FNIP2: variants seen among roughly 807,000 people sequenced by gnomAD.
FNIP2 encodes the protein folliculin-interacting protein 2.
FNIP2 carries 32 observed loss-of-function variants against 108.7 expected under a neutral mutation model. The observed-to-expected ratio is 0.29, with a 90% confidence interval of 0.22 to 0.40. The LOEUF is 0.40. FNIP2 is among the 10% of genes least tolerant of loss of function. FNIP2 has a pLI of 1.00. For missense variants in FNIP2, 1,202 were observed against 1,381.6 expected (o/e 0.87, Z 2.06); for synonymous variants, 480 against 496.7 (o/e 0.97, Z 0.45).
At chr4:158,833,887 G>C in intron 6 of FNIP2, 1 of 1,418,652 alleles carries the variant, frequency 7.0e-7, no homozygotes. Context: ...TTCTTTCTTT[G>C]CAGGTTTGTG....
Position 158,852,360 on chromosome 4 carries a change from T to A in FNIP2, c.857+910T>A, listed in dbSNP as rs143072213. Among the ~76,000 whole-genome samples the A allele has an allele frequency of 2.5e-3, 378 of 152,308 alleles. 1 individual carries two copies. Among genetic ancestry groups the A allele is most frequent in the African/African-American group, 7.2e-3 (298 of 41,566 alleles). Reference sequence around the variant, plus strand: ...GTGGCTTGCCTCGCTTCTGTTCCTTTCACAATCCTAGGGAGCTAGCTGGAA... The same window carrying A: ...GTGGCTTGCCTCGCTTCTGTTCCTTACACAATCCTAGGGAGCTAGCTGGAA... On this transcript the variant is annotated intron_variant, in intron 8 of 16. Transcript: ENST00000264433.
chr4:158,810,449 G>T (rs1230871800), intron 1 of FNIP2, among the ~76,000 whole-genome samples: 1 of 152,138 alleles, frequency 6.6e-6, no homozygotes, highest in Non-Finnish European at 1.5e-5. Context: ...CGTACCATGA[G>T]AATTTTTCTT....
At chr4:158,875,436 C>G (rs968251405) in intron 14 of FNIP2, among the ~76,000 whole-genome samples, 3 of 149,658 alleles carry the variant, frequency 2.0e-5, no homozygotes, top group African/African-American at 5.0e-5. Context: ...TAATTTTAAG[C>G]GTAGCAACAG....
rs915509652 is a variant in FNIP2 at position 158,905,149 on chromosome 4, C to T, written c.*605C>T. ...TAAGAATTGCTTGTTGGGAAGAGTG[C>T]TTTAGGGACCCACTGTTTTCATTTC... is the stretch of plus-strand genomic sequence containing the variant. On this transcript the variant is annotated 3_prime_UTR_variant, in exon 17 of 17. Transcript: ENST00000264433. The T allele has an allele frequency of 1.3e-5, 2 of 152,388 alleles. No individual in the cohort carries two copies. Among genetic ancestry groups the T allele is most frequent in the African/African-American group, 2.4e-5 (1 of 41,432 alleles). The allele number at this position is 152,388 out of a possible 1,614,324, so 9.4% of individuals were successfully genotyped here.
intron 1 of FNIP2, among the ~76,000 whole-genome samples, chr4:158,791,266 CTTTTTTTTT>C (rs199714823): frequency 3.1e-5 from 3 of 98,050 alleles, no homozygotes; most frequent in East Asian, 5.0e-4. Flanking sequence ...ACTGAGGATC[CTTTTTTTTT>C]TTTTTTTTTT....
chr4:158,834,927 A>G, intron 6 of FNIP2: 1 of 155,696 alleles, frequency 6.4e-6, no homozygotes, highest in Non-Finnish European at 1.4e-5. Flanking sequence ...TGGGTTATAA[A>G]CAGAGAAACA....
At position 158,844,007 on chromosome 4, in the gene FNIP2, G is replaced by A. The variant is rs149447846; in HGVS notation, c.728-7314G>A. On this transcript the variant is annotated intron_variant, in intron 7 of 16. Coordinates refer to ENST00000264433, the MANE Select transcript of FNIP2 (RefSeq NM_020840.3). The stretch of plus-strand genomic sequence containing the variant: ...GTTTGGAACCGTGATCACATTTTTC[G>A]GCAGAATAAATAAGCCAACCTCAAA... 2.6e-4 allele frequency among the ~76,000 whole-genome samples: 40 copies of A among 152,242 alleles called. No individual in the cohort carries two copies. In the East Asian group the frequency reaches 6.4e-3, roughly 24 times the overall value.
chr4:158,856,600 G>A (rs1779997916), intron 8 of FNIP2, among the ~76,000 whole-genome samples: 1 of 152,178 alleles, frequency 6.6e-6, no homozygotes, highest in Non-Finnish European at 1.5e-5. Context: ...ACTAGCATGA[G>A]CACCAGCAGA....
chr4:158,886,516 G>A (rs1366688671), intron 14 of FNIP2, among the ~76,000 whole-genome samples: 3 of 152,362 alleles, frequency 2.0e-5, no homozygotes, highest in East Asian at 1.9e-4. Flanking sequence ...CCTGGCTGCC[G>A]TTGGACACTC....
intron 16 of FNIP2, among the ~76,000 whole-genome samples, chr4:158,901,502 T>C (rs146995206): frequency 1.3e-5 from 2 of 152,064 alleles, no homozygotes; most frequent in Non-Finnish European, 1.5e-5. Flanking sequence ...CTTTGTGGTG[T>C]TCTCTGTATT....
intron 8 of FNIP2, among the ~76,000 whole-genome samples, chr4:158,857,769 T>TC (rs1560805840): frequency 8.0e-6 from 1 of 125,222 alleles, no homozygotes; most frequent in East Asian, 2.4e-4. Context: ...GTAGGGAGAC[T>TC]CCATCTCTAC....
chr4:158,804,432 G>A (rs72695442), intron 1 of FNIP2, among the ~76,000 whole-genome samples: 1,854 of 115,566 alleles, frequency 0.016, 14 homozygotes, highest in Non-Finnish European at 0.024. Flanking sequence ...TTTTTTTTTG[G>A]ACACAGGGTC....
chr4:158,822,420 C>G (rs938404882), intron 1 of FNIP2, among the ~76,000 whole-genome samples: 1 of 151,964 alleles, frequency 6.6e-6, no homozygotes, highest in African/African-American at 2.4e-5. Context: ...AGCGATCAGC[C>G]GGCCTCGGTC....
At chr4:158,904,127 T>A (rs4690914) in intron 16 of FNIP2, among the ~76,000 whole-genome samples, 152,135 of 152,336 alleles carry the variant, frequency 1, 75,968 homozygotes, top group East Asian at 1. Flanking sequence ...TAATGGAGAA[T>A]ACCTTAAAGT....
chr4:158,821,970 G>T (rs189764213), intron 1 of FNIP2, among the ~76,000 whole-genome samples: 1 of 152,086 alleles, frequency 6.6e-6, no homozygotes, highest in Non-Finnish European at 1.5e-5. Context: ...CATGCCTGTA[G>T]TCCCAGCTAC....
intron 14 of FNIP2, among the ~76,000 whole-genome samples, chr4:158,886,722 T>C (rs1025133801): frequency 6.6e-6 from 1 of 152,238 alleles, no homozygotes; most frequent in Non-Finnish European, 1.5e-5. Context: ...ATAAGGTTTG[T>C]AAAGTTTCTC....
rs557152912 is a variant in FNIP2 at position 158,769,091 on chromosome 4, G to C, written c.-122G>C. On this transcript the variant is annotated 5_prime_UTR_variant, in exon 1 of 17. Transcript: ENST00000264433. The stretch of plus-strand genomic sequence containing the variant: ...AGTTACTCAGTCGCAGCGGCCCCGC[G>C]CTCCCGCAAGGCTGGGCGGCCGCGC... The C allele has an allele frequency of 4.7e-6, 1 of 214,530 alleles. No individual in the cohort carries two copies. Among genetic ancestry groups the C allele is most frequent in the Non-Finnish European group, 7.8e-6 (1 of 128,000 alleles). The allele number at this position is 214,530 out of a possible 1,614,324, so 13.3% of individuals were successfully genotyped here.
At chr4:158,824,514 A>C (rs899774902) in intron 1 of FNIP2, among the ~76,000 whole-genome samples, 7 of 152,008 alleles carry the variant, frequency 4.6e-5, no homozygotes, top group Non-Finnish European at 5.9e-5. Flanking sequence ...TGAGCATGCC[A>C]CCAGTGTCTG....
At chr4:158,902,836 C>T (rs1469924361) in intron 16 of FNIP2, among the ~76,000 whole-genome samples, 1 of 152,172 alleles carries the variant, frequency 6.6e-6, no homozygotes, top group African/African-American at 2.4e-5. Flanking sequence ...GCCCCTCCCC[C>T]AACCAACCTC....
Sources: gnomAD v4.1 joint callset for allele counts (sites outside exome capture counted in the v4.1 genomes callset) on GRCh38, gnomAD v4.1.1 for gene constraint, MANE v1.5 for transcripts, NCBI Gene and HGNC (gene_info 2026-07-23, HGNC 2026-07-21) for gene names.